The following ITCH variants were observed in gnomAD, a reference collection of about 807,000 sequenced individuals.
ITCH encodes E3 ubiquitin-protein ligase Itchy homolog.
ITCH carries 28 observed loss-of-function variants against 126.8 expected under a neutral mutation model. The ratio of observed to expected loss-of-function variants is 0.22; its 90% CI spans 0.16 to 0.30. ITCH has a LOEUF of 0.30. ITCH is among the 10% of genes least tolerant of loss of function. ITCH has a pLI of 1.00. For missense variants in ITCH, 631 were observed against 1,032.4 expected (o/e 0.61, Z 5.33); for synonymous variants, 342 against 340.0 (o/e 1.01, Z -0.06).
intron 6 of ITCH, chr20:34,417,263 AT>A: frequency 1.9e-6 from 1 of 532,106 alleles, no homozygotes; most frequent in Non-Finnish European, 3.4e-6. Context: ...CGCCTGGCTA[AT>A]TTTGTATTTT....
chr20:34,468,790 CA>C (rs141622524), intron 14 of ITCH, among the ~76,000 whole-genome samples: 21 of 139,172 alleles, frequency 1.5e-4, no homozygotes, highest in East Asian at 6.3e-4. Context: ...GACTCCATCT[CA>C]AAAAAAAAAA....
intron 23 of ITCH, among the ~76,000 whole-genome samples, chr20:34,494,010 C>T (rs1454093092): frequency 6.6e-6 from 1 of 152,182 alleles, no homozygotes; most frequent in Admixed American, 6.5e-5. Context: ...GGGTGGATCG[C>T]TTGAGCTCAG....
Position 34,369,317 on chromosome 20 carries a change from G to A in ITCH, c.-98-77G>A, listed in dbSNP as rs1228305613. The A allele has an allele frequency of 1.8e-5, 7 of 382,680 alleles. No individual in the cohort carries two copies. The Admixed American group carries it at 3.4e-4, about 19-fold the overall frequency. 23.7% of individuals were successfully genotyped at this position (382,680 alleles called of 1,614,324 possible). ...CACTGCACTCTAGCCTGGCGACAGA[G>A]CAAGACTCCATCTCAAAAACAAACA... On this transcript the variant is annotated intron_variant, in intron 1 of 24. Transcript: ENST00000374864.
intron 3 of ITCH, among the ~76,000 whole-genome samples, chr20:34,400,646 C>CTTTTTTTTTTTTTTTTTTT (rs760416482): frequency 8.3e-6 from 1 of 120,024 alleles, no homozygotes; most frequent in African/African-American, 3.2e-5. Flanking sequence ...AAAAATTTTT[C>CTTTTTTTTTTTTTTTTTTT]TTTTTTTTTT....
intron 14 of ITCH, among the ~76,000 whole-genome samples, chr20:34,465,247 C>T (rs920942159): frequency 2.4e-4 from 36 of 151,872 alleles, no homozygotes; most frequent in African/African-American, 8.7e-4. Context: ...TTCTGTTGGT[C>T]TGTATGTCTG....
intron 3 of ITCH, chr20:34,402,747 C>T (rs2038930877): frequency 6.3e-6 from 2 of 319,622 alleles, no homozygotes; most frequent in Non-Finnish European, 1.3e-5. Context: ...TCATGTTGAC[C>T]TCAGCTTCTC....
chr20:34,489,192 A>T (rs1326339757), intron 20 of ITCH, 74 bp from the exon 21 acceptor site: 1 of 1,321,812 alleles, frequency 7.6e-7, no homozygotes, highest in Non-Finnish European at 1.0e-6. Flanking sequence ...AATTTTTTAA[A>T]ATTTATTTTT....
chr20:34,405,406 G>A (rs1384530971), intron 3 of ITCH, among the ~76,000 whole-genome samples: 1 of 152,150 alleles, frequency 6.6e-6, no homozygotes, highest in Non-Finnish European at 1.5e-5. Flanking sequence ...TTGGGAGGCT[G>A]AGGCAGGAGA....
intron 16 of ITCH, among the ~76,000 whole-genome samples, chr20:34,473,614 G>GT (rs1438206573): frequency 3.3e-5 from 5 of 152,216 alleles, no homozygotes; most frequent in Non-Finnish European, 7.3e-5. Flanking sequence ...AGAGTACAAA[G>GT]TTAAACCATT....
At chr20:34,417,757 T>G (rs922049390) in intron 6 of ITCH, among the ~76,000 whole-genome samples, 1 of 145,640 alleles carries the variant, frequency 6.9e-6, no homozygotes, top group African/African-American at 2.5e-5. Context: ...AGCCCACAGA[T>G]CTGAAGTAAC....
chr20:34,507,276 T>TG (rs1600521988), intron 24 of ITCH, among the ~76,000 whole-genome samples: 1 of 86,162 alleles, frequency 1.2e-5, no homozygotes, highest in Non-Finnish European at 2.7e-5. Flanking sequence ...TTTTTTTTTT[T>TG]TTTTTTTTTT....
chr20:34,410,543 T>A lies in ITCH; in HGVS notation c.212+1751T>A, dbSNP rs74666837. 5.9e-3 allele frequency among the ~76,000 whole-genome samples: 902 copies of A among 152,192 alleles called. 28 individuals are homozygous for A. The highest frequency in any genetic ancestry group is 0.05 in the East Asian group (257 of 5,176). On this transcript the variant is annotated intron_variant, in intron 4 of 24. Transcript: ENST00000374864. ...AAAATGAAACAATGTATTAAAAAAA[T>A]TTCAAGAAAACACATGAGGCTGGGA...
chr20:34,475,867 A>T (rs1988168117), intron 16 of ITCH: 11 of 942,332 alleles, frequency 1.2e-5, no homozygotes, highest in Middle Eastern at 3.2e-4. Flanking sequence ...TTTATCACTT[A>T]AATAATAATT....
chr20:34,447,661 C>T (rs752705623), intron 11 of ITCH, among the ~76,000 whole-genome samples: 1 of 152,158 alleles, frequency 6.6e-6, no homozygotes. Context: ...ATGTCACGTG[C>T]CAAACTTTTC....
At chr20:34,421,719 G>A (rs1472404726) in intron 6 of ITCH, among the ~76,000 whole-genome samples, 2 of 152,136 alleles carry the variant, frequency 1.3e-5, no homozygotes, top group Non-Finnish European at 2.9e-5. Context: ...AAATAAAAGA[G>A]TGAATATTCC....
At chr20:34,455,430 CAA>C (rs1005465775) in intron 12 of ITCH, among the ~76,000 whole-genome samples, 9 of 151,534 alleles carry the variant, frequency 5.9e-5, no homozygotes, top group Non-Finnish European at 1.2e-4. Context: ...GTTAAAATTT[CAA>C]GTCTACTTAA....
intron 23 of ITCH, among the ~76,000 whole-genome samples, chr20:34,501,164 T>C (rs942741098): frequency 2.0e-5 from 3 of 152,202 alleles, no homozygotes; most frequent in Non-Finnish European, 4.4e-5. Flanking sequence ...GTGTATGTAA[T>C]TCTTTAATGG....
At chr20:34,381,796 C>G (rs953069980) in intron 2 of ITCH, among the ~76,000 whole-genome samples, 63 of 151,202 alleles carry the variant, frequency 4.2e-4, no homozygotes, top group African/African-American at 1.5e-3. Flanking sequence ...CCCAGGAGTT[C>G]CAGGCTATAG....
At chr20:34,376,501 A>C (rs911977862) in intron 2 of ITCH, among the ~76,000 whole-genome samples, 1 of 152,046 alleles carries the variant, frequency 6.6e-6, no homozygotes, top group Admixed American at 6.6e-5. Context: ...CAATACCTCA[A>C]AGCAGTCTAG....
Sources: allele counts gnomAD v4.1 joint callset (sites outside exome capture counted in the v4.1 genomes callset), GRCh38; gene constraint gnomAD v4.1.1; transcripts MANE v1.5; gene names NCBI Gene and HGNC (gene_info 2026-07-23, HGNC 2026-07-21).